Variants in UNC5A observed in about 807,000 individuals in gnomAD.
The protein encoded by UNC5A is unc-5 netrin receptor A.
In UNC5A, 20 loss-of-function variants were observed where a neutral mutation model predicts 87.4. The ratio of observed to expected loss-of-function variants is 0.23; its 90% CI spans 0.16 to 0.33. The LOEUF is 0.33. UNC5A is among the 10% of genes least tolerant of loss of function. The pLI is 1.00. For synonymous variants in UNC5A, 438 were observed against 482.3 expected (o/e 0.91, Z 1.20); for missense variants, 844 against 1,133.4 (o/e 0.74, Z 3.67).
Position 176,810,664 on chromosome 5 carries a change from G to A in UNC5A, c.-87G>A, listed in dbSNP as rs889553702. 121 of 443,918 alleles carry A rather than the reference G, an allele frequency of 2.7e-4. No homozygotes were observed. Among genetic ancestry groups the A allele is most frequent in the Non-Finnish European group, 3.4e-4 (115 of 335,300 alleles). The allele number at this position is 443,918 out of a possible 1,614,324, so 27.5% of individuals were successfully genotyped here. ...CTGGCATGGGCCCCGGGGGCGCCCC[G>A]AGCTGGGGCTCCGGGCTGAGGCGCT... On this transcript the variant is annotated 5_prime_UTR_variant, in exon 1 of 15. Transcript: ENST00000329542. This position sits in a 1 kb window ranked among gnomAD's most constrained non-coding sequence, Gnocchi z 7.3.
chr5:176,813,825 G>T (rs1756526954), intron 1 of UNC5A, among the ~76,000 whole-genome samples: 1 of 152,206 alleles, frequency 6.6e-6, no homozygotes, highest in Non-Finnish European at 1.5e-5. Context: ...TGAGCTTGGG[G>T]TGGGGCTCCC....
intron 1 of UNC5A, among the ~76,000 whole-genome samples, chr5:176,845,140 C>T (rs761561576): frequency 2.6e-5 from 4 of 152,176 alleles, no homozygotes; most frequent in Admixed American, 1.3e-4. Context: ...TGCCCTGCCC[C>T]GGGGATGTTT....
In UNC5A at chr5:176,850,574, G is replaced by A. The variant is rs141453200; in HGVS notation, c.71-12050G>A. Among the ~76,000 whole-genome samples the A allele has an allele frequency of 4.9e-3, 747 of 152,248 alleles. 6 individuals carry two copies. The highest frequency in any genetic ancestry group is 0.016 in the African/African-American group (653 of 41,522). On this transcript the variant is annotated intron_variant, in intron 1 of 14. Coordinates refer to ENST00000329542, the MANE Select transcript of UNC5A (RefSeq NM_133369.3). ...GAGGGTGGGCGGGGAGCCTGGCTAG[G>A]GACCCCGGGGCAGGAGCTGATGGGG...
rs1388058246 is a variant in UNC5A at position 176,868,151 on chromosome 5, G to A, written c.314G>A (p.Arg105His). The change falls in exon 3 of 15, where the codon CGC (arginine) becomes CAC (histidine). Residue 105 changes from arginine (R) to histidine (H), a missense_variant. This residue lies in a region of UNC5A where 314 missense variants were observed against 466.5 expected (regional missense o/e 0.67). Transcript: ENST00000329542. ...GSSGLPTMEVRINVSRQQVEK... is the reference protein window; with the variant it reads ...GSSGLPTMEVHINVSRQQVEK... ...CCAGGGCTGCCCACCATGGAGGTCC[G>A]CATTAATGTCTCAAGGCAGCAGGTC... 9.3e-6 allele frequency: 15 copies of A among 1,613,152 alleles called. No homozygotes were observed. The highest frequency in any genetic ancestry group is 5.5e-5 in the South Asian group (5 of 91,068).
chr5:176,856,202 C>A (rs557060785), intron 1 of UNC5A, among the ~76,000 whole-genome samples: 1 of 152,292 alleles, frequency 6.6e-6, no homozygotes, highest in African/African-American at 2.4e-5. Context: ...CATTTGAAAG[C>A]ACTTTCACAC....
At position 176,874,356 on chromosome 5, in the gene UNC5A, C is replaced by T. The variant is rs750460906; in HGVS notation, c.1168C>T (p.Pro390Ser). The T allele has an allele frequency of 6.2e-7, 1 of 1,613,780 alleles. No individual in the cohort carries two copies. Among genetic ancestry groups the T allele is most frequent in the Non-Finnish European group, 8.5e-7 (1 of 1,179,930 alleles). Residue 390 changes from proline (P) to serine (S), a missense_variant, in exon 8 of 15, where the codon CCC (proline) becomes TCC (serine). Coordinates refer to ENST00000329542, the MANE Select transcript of UNC5A (RefSeq NM_133369.3). This position sits in a 1 kb window ranked among gnomAD's most constrained non-coding sequence, Gnocchi z 7.6. ...CTGTCCCCGGCAGGATGGGCCCAGC[C>T]CCAAGTTCCAGCTCACCAATGGGCA... ...SLCPRQDGPSPKFQLTNGHLL... is the reference protein window; with the variant it reads ...SLCPRQDGPSSKFQLTNGHLL...
intron 6 of UNC5A, among the ~76,000 whole-genome samples, chr5:176,870,989 C>A (rs1435316945): frequency 1.0e-5 from 1 of 97,668 alleles, no homozygotes; most frequent in South Asian, 4.1e-4. Flanking sequence ...CCCACGCTCG[C>A]CCCACACCAC....
intron 1 of UNC5A, among the ~76,000 whole-genome samples, chr5:176,850,493 G>A (rs1469580893): frequency 1.3e-5 from 2 of 152,186 alleles, no homozygotes; most frequent in Non-Finnish European, 1.5e-5. Flanking sequence ...TTCCTGGGAG[G>A]TGGGGGCCCT....
At chr5:176,811,649 G>A (rs1201596130) in intron 1 of UNC5A, among the ~76,000 whole-genome samples, 1 of 152,124 alleles carries the variant, frequency 6.6e-6, no homozygotes, top group African/African-American at 2.4e-5. Flanking sequence ...TTTGTCTGCT[G>A]TCCCTGAGCC....
chr5:176,860,028 A>G (rs10056203), intron 1 of UNC5A, among the ~76,000 whole-genome samples: 134,929 of 152,282 alleles, frequency 0.89, 60,047 homozygotes, highest in Non-Finnish European at 0.91. Flanking sequence ...CGGCTGACGC[A>G]AGCAGTGCTT....
chr5:176,877,263 A>G lies in UNC5A; in HGVS notation c.1450A>G (p.Lys484Glu), dbSNP rs752377262. The G allele has an allele frequency of 6.2e-7, 1 of 1,612,436 alleles. No homozygotes were observed. Among genetic ancestry groups the G allele is most frequent in the Non-Finnish European group, 8.5e-7 (1 of 1,179,616 alleles). ...KIYEIYLTLH[K>E]PEDVRLPLAG... ...CTATGAGATCTACCTCACGCTGCACAAGCCGGAAGACGTGAGGTGTGGCCG... is the reference window on the plus strand; with the variant it reads ...CTATGAGATCTACCTCACGCTGCACGAGCCGGAAGACGTGAGGTGTGGCCG... The change falls in exon 9 of 15, where the codon AAG (lysine) becomes GAG (glutamate). Residue 484 changes from lysine to glutamate, a missense_variant. Transcript: ENST00000329542.
chr5:176,842,285 A>G (rs1471195842), intron 1 of UNC5A, among the ~76,000 whole-genome samples: 2 of 152,258 alleles, frequency 1.3e-5, no homozygotes, highest in Non-Finnish European at 2.9e-5. Context: ...AATGTAAACT[A>G]GTACAGCCAC....
At chr5:176,879,258 A>G (rs2149371426) in intron 13 of UNC5A, 52 bp from the exon 14 acceptor site, 1 of 1,521,924 alleles carries the variant, frequency 6.6e-7, no homozygotes, top group Non-Finnish European at 8.8e-7. Flanking sequence ...GTGGCGGTGG[A>G]CCCGGGCCTG....
intron 1 of UNC5A, among the ~76,000 whole-genome samples, chr5:176,855,743 G>A (rs913110672): frequency 1.8e-4 from 28 of 152,338 alleles, no homozygotes; most frequent in African/African-American, 6.7e-4. Flanking sequence ...GGGAACCCAG[G>A]CCCTGGTGGA....
chr5:176,833,029 C>T (rs1263558183), intron 1 of UNC5A, among the ~76,000 whole-genome samples: 2 of 152,212 alleles, frequency 1.3e-5, no homozygotes, highest in Admixed American at 6.5e-5. Flanking sequence ...AGGACTGGCA[C>T]GTGTGGTAGC....
Position 176,875,704 on chromosome 5 carries a change from C to T in UNC5A, c.1378+1138C>T, listed in dbSNP as rs1283460350. 6.6e-6 allele frequency among the ~76,000 whole-genome samples: 1 copy of T among 152,206 alleles called. No individual in the cohort carries two copies. The highest frequency in any genetic ancestry group is 1.5e-5 in the Non-Finnish European group (1 of 68,050). ...ACATGATACCACAGAGAAGACCTGT[C>T]CCCTGCAGGCCAGCTGCTTCAGCCT... On this transcript the variant is annotated intron_variant, in intron 8 of 14. Transcript: ENST00000329542. This position sits in a 1 kb window ranked among gnomAD's most constrained non-coding sequence, Gnocchi z 5.2.
intron 1 of UNC5A, among the ~76,000 whole-genome samples, chr5:176,853,480 G>A (rs898139526): frequency 4.6e-5 from 7 of 152,206 alleles, no homozygotes; most frequent in East Asian, 1.9e-4. Context: ...TCCTGTGTCC[G>A]TCCTTGTGAC....
Position 176,880,503 on chromosome 5 carries a change from T to C in UNC5A, c.*617T>C, listed in dbSNP as rs3736432. The C allele has an allele frequency of 0.71, 109,802 of 153,594 alleles. 40,813 individuals carry two copies. Among genetic ancestry groups the C allele is most frequent in the Non-Finnish European group, 0.83 (57,011 of 68,794 alleles). The allele number at this position is 153,594 out of a possible 1,614,324, so 9.5% of individuals were successfully genotyped here. A position where few individuals can be genotyped will look rare whatever the true frequency, so the allele number is the denominator to read the frequency against. On this transcript the variant is annotated 3_prime_UTR_variant, in exon 15 of 15. Coordinates refer to ENST00000329542, the MANE Select transcript of UNC5A (RefSeq NM_133369.3). ...CCCCCCAACCACACACATCTCATGC[T>C]GTACACCTGAGGCTGCTCACGTCTC...
At chr5:176,811,814 C>G (rs1036316774) in intron 1 of UNC5A, among the ~76,000 whole-genome samples, 3 of 152,032 alleles carry the variant, frequency 2.0e-5, no homozygotes, top group Non-Finnish European at 4.4e-5. Flanking sequence ...TCTTGCTGCC[C>G]CTAGAACCTG....
Sources: gnomAD v4.1 joint callset for allele counts (sites outside exome capture counted in the v4.1 genomes callset) on GRCh38, gnomAD v4.1.1 for gene constraint, gnomAD v4.1.1 regional missense constraint, Gnocchi (gnomAD v3.1) non-coding constraint, MANE v1.5 for transcripts, NCBI Gene and HGNC (gene_info 2026-07-23, HGNC 2026-07-21) for gene names.